The following EPS8L2 variants were observed in gnomAD, a reference collection of about 807,000 sequenced individuals.
EPS8L2 encodes the protein epidermal growth factor receptor kinase substrate 8-like protein 2.
EPS8L2 carries 81 observed loss-of-function variants against 99.4 expected under a neutral mutation model. The ratio of observed to expected loss-of-function variants is 0.82; its 90% CI spans 0.68 to 0.98. EPS8L2 has a LOEUF of 0.98. Among genes scored for constraint, EPS8L2 ranks in the 50% least tolerant of loss-of-function variants. The probability of loss-of-function intolerance (pLI) is 0.00; values close to 1 mark genes in which losing one functional copy is unlikely to be tolerated. For missense variants in EPS8L2, 1,155 were observed against 968.8 expected (o/e 1.19, Z -2.55); for synonymous variants, 509 against 407.3 (o/e 1.25, Z -3.01).
intron 14 of EPS8L2, 54 bp downstream of exon 14, chr11:722,859 C>T (rs908039766): frequency 8.0e-7 from 1 of 1,244,948 alleles, no homozygotes; most frequent in African/African-American, 1.6e-5. Flanking sequence ...CCACTCCTCA[C>T]CAGAGCTCCC....
At position 721,688 on chromosome 11, in the gene EPS8L2, G is replaced by A; in HGVS notation, c.892G>A (p.Ala298Thr). ...KGKKKGKKAPAEGVLTLRARP... is the reference protein window; with the variant it reads ...KGKKKGKKAPTEGVLTLRARP... ...GAAGAAGAAGGGCAAGAAGGCGCCA[G>A]CAGGTGCAGGGGACAGGGACGGGGC... Residue 298 changes from alanine to threonine, a missense_variant, in exon 10 of 21, where the codon GCA (alanine) becomes ACA (threonine). Coordinates refer to ENST00000318562, the MANE Select transcript of EPS8L2 (RefSeq NM_022772.4). 2 of 1,596,004 alleles carry A rather than the reference G, an allele frequency of 1.3e-6. No homozygotes were observed. Among genetic ancestry groups the A allele is most frequent in the East Asian group, 4.5e-5 (2 of 44,636 alleles).
chr11:720,482 A>G lies in EPS8L2; in HGVS notation c.328-115A>G, dbSNP rs893983912. On this transcript the variant is annotated intron_variant, in intron 5 of 20. Coordinates refer to ENST00000318562, the MANE Select transcript of EPS8L2 (RefSeq NM_022772.4). ...GCCTAGTCCTCATCTTTGGGAGCCC[A>G]TTCCCCAGCGGCGCCAGAGGGGCCT... The G allele has an allele frequency of 1.1e-5, 16 of 1,491,422 alleles. No individual in the cohort carries two copies. The African/African-American group carries it at 1.2e-4, about 12-fold the overall frequency. 92.4% of individuals were successfully genotyped at this position (1,491,422 alleles called of 1,614,324 possible). A position where few individuals can be genotyped will look rare whatever the true frequency, so the allele number is the denominator to read the frequency against.
chr11:719,111 G>C (rs1024609439), intron 4 of EPS8L2, among the ~76,000 whole-genome samples: 2 of 151,166 alleles, frequency 1.3e-5, no homozygotes, highest in African/African-American at 4.9e-5. Flanking sequence ...GATTACAGGC[G>C]CCCGCCACAA....
chr11:707,323 C>T (rs1285899580), intron 1 of EPS8L2, among the ~76,000 whole-genome samples: 1 of 152,212 alleles, frequency 6.6e-6, no homozygotes, highest in Non-Finnish European at 1.5e-5. Flanking sequence ...CCTGAGGGGC[C>T]TCCCCATTCC....
chr11:721,264 A>C (rs1314636886), intron 8 of EPS8L2, 21 bp from the exon 9 acceptor site: 1 of 1,537,582 alleles, frequency 6.5e-7, no homozygotes, highest in Admixed American at 2.0e-5. Context: ...CTCGGTGAGC[A>C]GCCGCCGTGT....
At chr11:717,384 G>C (rs1184652736) in intron 4 of EPS8L2, among the ~76,000 whole-genome samples, 1 of 152,204 alleles carries the variant, frequency 6.6e-6, no homozygotes, top group Non-Finnish European at 1.5e-5. Flanking sequence ...GAGCAGCCTG[G>C]TACCGATGCC....
chr11:722,551 T>TAGGGC lies in EPS8L2; in HGVS notation c.1208+10_1208+14dup, dbSNP rs752516605. 6.2e-7 allele frequency: 1 copy of TAGGGC among 1,612,396 alleles called. No individual in the cohort carries two copies. Among genetic ancestry groups the TAGGGC allele is most frequent in the Non-Finnish European group, 8.5e-7 (1 of 1,179,716 alleles). ...GGGAGAGAGCTGGATGCGGCCCCGG[T>TAGGGC]AGGGCAGGGCAGAGCAGTGCCGGGG... On this transcript the variant is annotated splice_region_variant and intron_variant, in intron 13 of 20. Transcript: ENST00000318562.
intron 6 of EPS8L2, 38 bp downstream of exon 6, chr11:720,784 C>A: frequency 6.5e-7 from 1 of 1,540,038 alleles, no homozygotes. Flanking sequence ...GGGGCCCCGC[C>A]GCGCCGCGCC....
At position 726,178 on chromosome 11, in the gene EPS8L2, C is replaced by G. The variant is rs28498399; in HGVS notation, c.1753+8C>G. Reference sequence around the variant, plus strand: ...TCCCGGGGAACAAAGACGGTGAGAGCTGCTGCTTCGAGGCGGGGGTCCCGG... The same window carrying G: ...TCCCGGGGAACAAAGACGGTGAGAGGTGCTGCTTCGAGGCGGGGGTCCCGG... On this transcript the variant is annotated splice_region_variant and intron_variant, in intron 18 of 20. Coordinates refer to ENST00000318562, the MANE Select transcript of EPS8L2 (RefSeq NM_022772.4). 1.8e-4 allele frequency: 288 copies of G among 1,605,378 alleles called. 1 individual carries two copies. Among genetic ancestry groups the G allele is most frequent in the Middle Eastern group, 1.7e-4 (1 of 6,006 alleles).
intron 4 of EPS8L2, among the ~76,000 whole-genome samples, chr11:719,562 G>A (rs1862102061): frequency 6.6e-6 from 1 of 152,256 alleles, no homozygotes; most frequent in Non-Finnish European, 1.5e-5. Flanking sequence ...TGGACCTGGG[G>A]ACACAGCTTA....
At chr11:712,243 G>A (rs543817481) in intron 4 of EPS8L2, among the ~76,000 whole-genome samples, 162 of 149,958 alleles carry the variant, frequency 1.1e-3, no homozygotes, top group African/African-American at 3.7e-3. Flanking sequence ...CCGGGATTGC[G>A]CCACTGCACT....
At position 721,005 on chromosome 11, in the gene EPS8L2, A is replaced by AGGGGAGGGGAGGAGCCCGGCAG. The variant is rs758503993; in HGVS notation, c.558-56_558-55insGAGGGGAGGAGCCCGGCAGGGG. On this transcript the variant is annotated intron_variant, in intron 7 of 20. Transcript: ENST00000318562. ...CGGCAGGGGAGGGGAGGAGCCCGGCAGGGAGGGAGGGTCAGGTGCGTTCCC... is the reference window on the plus strand; with the variant it reads ...CGGCAGGGGAGGGGAGGAGCCCGGCAGGGGAGGGGAGGAGCCCGGCAGGGGAGGGAGGGTCAGGTGCGTTCCC... 7.2e-4 allele frequency: 1,005 copies of AGGGGAGGGGAGGAGCCCGGCAG among 1,398,610 alleles called. 19 individuals carry two copies. The highest frequency in any genetic ancestry group is 8.9e-4 in the Non-Finnish European group (935 of 1,051,738). The allele number at this position is 1,398,610 out of a possible 1,614,324, so 86.6% of individuals were successfully genotyped here.
chr11:722,123 C>T lies in EPS8L2; in HGVS notation c.1017C>T (p.Ser339=), dbSNP rs140568715. 4.3e-6 allele frequency: 7 copies of T among 1,612,900 alleles called. No individual in the cohort carries two copies. In the African/African-American group the frequency reaches 6.7e-5, roughly 15 times the overall value. ...TGCAGAAGCACATCCAGAACCCCAG[C>T]GCCGCGGAGCTCGTGCACTTCCTCT... is the stretch of plus-strand genomic sequence containing the variant. ...AKLQKHIQNP[S]AAELVHFLFG... The change falls in exon 12 of 21, where the codon AGC becomes AGT. Residue 339 remains serine, a synonymous_variant. Transcript: ENST00000318562.
rs376262211 is a variant in EPS8L2, at chr11:715,008, T to C, written c.165+4522T>C. 1.2e-3 allele frequency among the ~76,000 whole-genome samples: 181 copies of C among 152,190 alleles called. 1 individual carries two copies. Among genetic ancestry groups the C allele is most frequent in the East Asian group, 0.01 (53 of 5,166 alleles). ...CTGTAATCCCAGCACTTTGGGAGGC[T>C]GAGGTGGGCAGATCACAAGGTCAGG... On this transcript the variant is annotated intron_variant, in intron 4 of 20. Coordinates refer to ENST00000318562, the MANE Select transcript of EPS8L2 (RefSeq NM_022772.4).
intron 4 of EPS8L2, among the ~76,000 whole-genome samples, chr11:716,166 T>G (rs1862022240): frequency 6.7e-6 from 1 of 149,840 alleles, no homozygotes; most frequent in Non-Finnish European, 1.5e-5. Context: ...TTTTTTTTTT[T>G]GAGACAGAGT....
chr11:711,782 G>A (rs1861896218), intron 4 of EPS8L2, among the ~76,000 whole-genome samples: 1 of 152,080 alleles, frequency 6.6e-6, no homozygotes, highest in African/African-American at 2.4e-5. Flanking sequence ...TTAGGAGTTT[G>A]AGACCAGCCT....
rs553649466 is a variant in EPS8L2 at position 724,164 on chromosome 11, C to T, written c.1455-560C>T. 9.2e-5 allele frequency among the ~76,000 whole-genome samples: 14 copies of T among 152,282 alleles called. No individual in the cohort carries two copies. The highest frequency in any genetic ancestry group is 8.3e-4 in the South Asian group (4 of 4,826). On this transcript the variant is annotated intron_variant, in intron 15 of 20. Coordinates refer to ENST00000318562, the MANE Select transcript of EPS8L2 (RefSeq NM_022772.4). The surrounding 1 kb of genome is among the most constrained non-coding windows in gnomAD (Gnocchi z 5.5). ...CCAGGGCCACACTGACCAGGATGGA[C>T]GGCCTGGCCAGGTGACAGCCACAGG...
At chr11:713,157 C>T (rs952209485) in intron 4 of EPS8L2, among the ~76,000 whole-genome samples, 53 of 152,340 alleles carry the variant, frequency 3.5e-4, no homozygotes, top group African/African-American at 1.3e-3. Flanking sequence ...AGGTGGGGGC[C>T]GGATCAGATT....
rs760681573 is a variant in EPS8L2, at chr11:710,455, T to C, written c.134T>C (p.Ile45Thr). Residue 45 changes from isoleucine to threonine, a missense_variant, in exon 4 of 21, where the codon ATC becomes ACC. Coordinates refer to ENST00000318562, the MANE Select transcript of EPS8L2 (RefSeq NM_022772.4). ...AAGAAGTATTCCAACTCCAACGTCA[T>C]CATGCACGAGACCTCGCAGTACCAC... ...QRKKYSNSNV[I>T]MHETSQYHVQ... The C allele has an allele frequency of 6.2e-7, 1 of 1,613,680 alleles. No homozygotes were observed. The highest frequency in any genetic ancestry group is 8.5e-7 in the Non-Finnish European group (1 of 1,179,958).
Sources: gnomAD v4.1 joint callset for allele counts (sites outside exome capture counted in the v4.1 genomes callset) on GRCh38, gnomAD v4.1.1 for gene constraint, Gnocchi (gnomAD v3.1) non-coding constraint, MANE v1.5 for transcripts, NCBI Gene and HGNC (gene_info 2026-07-23, HGNC 2026-07-21) for gene names.